FECH: variants seen among roughly 807,000 people sequenced by gnomAD.
FECH encodes the protein ferrochelatase, mitochondrial.
In FECH, 40 loss-of-function variants were observed where a neutral mutation model predicts 56.9. The observed-to-expected ratio is 0.70, with a 90% CI of 0.55 to 0.92. The LOEUF (loss-of-function observed/expected upper bound fraction) is 0.92, where lower values mean the gene tolerates loss of function less well. FECH is among the 40% of genes least tolerant of loss of function. The probability of loss-of-function intolerance (pLI) is 0.00; values close to 1 mark genes in which losing one functional copy is unlikely to be tolerated. For synonymous variants in FECH, 175 were observed against 198.6 expected, an observed-to-expected ratio of 0.88 and a Z score of 1.00; for missense variants, 431 against 529.1, an observed-to-expected ratio of 0.81 and a Z score of 1.82.
intron 1 of FECH, among the ~76,000 whole-genome samples, chr18:57,581,359 G>A (rs779458777): frequency 8.5e-5 from 13 of 152,210 alleles, no homozygotes; most frequent in Admixed American, 1.3e-4. Flanking sequence ...GTCATATGAA[G>A]AGTACTGGTC....
intron 5 of FECH, among the ~76,000 whole-genome samples, chr18:57,565,537 T>G (rs117936809): frequency 3.4e-5 from 5 of 147,050 alleles, no homozygotes; most frequent in African/African-American, 1.0e-4. Context: ...ACCCGGGAGA[T>G]GGAGGTTGCA....
Position 57,573,248 on chromosome 18 carries a change from C to T in FECH, c.312G>A (p.Gln104=), listed in dbSNP as rs1351124222. 2 of 1,613,216 alleles carry T rather than the reference C, an allele frequency of 1.2e-6. No homozygotes were observed. The highest frequency in any genetic ancestry group is 3.3e-5 in the Admixed American group (2 of 60,022). The change falls in exon 3 of 11, where the codon CAG becomes CAA. Residue 104 remains glutamine (Q), a splice_region_variant and synonymous_variant. Coordinates refer to ENST00000262093, the MANE Select transcript of FECH (RefSeq NM_000140.5). ...LDRDLMTLPI[Q]NKLAPFIAKR... ...TGAGGTGTTTATATATATCTCACTT[C>T]TGAATAGGAAGTGTCATGAGGTCTC... is the stretch of plus-strand genomic sequence containing the variant.
At position 57,550,583 on chromosome 18, in the gene FECH, T is replaced by C. The variant is rs558527328; in HGVS notation, c.*129A>G. 117 of 1,155,598 alleles carry C rather than the reference T, an allele frequency of 1.0e-4. 1 individual carries two copies. In the South Asian group the frequency reaches 1.6e-3, roughly 16 times the overall value. The allele number at this position is 1,155,598 out of a possible 1,614,324, so 71.6% of individuals were successfully genotyped here. On this transcript the variant is annotated 3_prime_UTR_variant, in exon 11 of 11. Coordinates refer to ENST00000262093, the MANE Select transcript of FECH (RefSeq NM_000140.5). ...AATCCTCAAGAAACCACACAATTTG[T>C]ACCCAAAGGCTGTATATATATCAAG...
chr18:57,559,059 G>T, intron 7 of FECH, 86 bp downstream of exon 7: 1 of 913,696 alleles, frequency 1.1e-6, no homozygotes, highest in Non-Finnish European at 1.8e-6. Context: ...AGGACATAAT[G>T]GAAGCTGGAC....
chr18:57,561,013 G>T (rs1598989523), intron 6 of FECH, among the ~76,000 whole-genome samples: 1 of 152,202 alleles, frequency 6.6e-6, no homozygotes, highest in East Asian at 1.9e-4. Flanking sequence ...AATGTGACAG[G>T]ATTAGATACA....
chr18:57,550,833 A>C lies in FECH; in HGVS notation c.1151T>G (p.Leu384Trp). 1 of 1,613,938 alleles carries C rather than the reference A, an allele frequency of 6.2e-7. No homozygotes were observed. Among genetic ancestry groups the C allele is most frequent in the Non-Finnish European group, 8.5e-7 (1 of 1,180,022 alleles). Residue 384 changes from leucine (L) to tryptophan (W), a missense_variant, in exon 11 of 11, where the codon TTG (leucine) becomes TGG (tryptophan). By Grantham distance (61) the Leu-to-Trp change is moderately conservative (BLOSUM62 -2). Coordinates refer to ENST00000262093, the MANE Select transcript of FECH (RefSeq NM_000140.5). ...NPLFSKALADLVHSHIQSNEL... is the reference protein window; with the variant it reads ...NPLFSKALADWVHSHIQSNEL... The stretch of plus-strand genomic sequence containing the variant: ...GTTTGACTGGATGTGTGAATGCACC[A>C]AGTCGGCCAGGGCCTGGAAGATAGA...
chr18:57,586,640 C>G lies in FECH; in HGVS notation c.-20G>C, dbSNP rs1599022684. 4.7e-6 allele frequency: 7 copies of G among 1,499,172 alleles called. No homozygotes were observed. In the East Asian group the frequency reaches 8.3e-5, roughly 18 times the overall value. 92.9% of individuals were successfully genotyped at this position (1,499,172 alleles called of 1,614,324 possible). On this transcript the variant is annotated 5_prime_UTR_variant, in exon 1 of 11. Coordinates refer to ENST00000262093, the MANE Select transcript of FECH (RefSeq NM_000140.5). ...ACGCATTGCCTGGGCAGCCTCGGCC[C>G]GAGTCCGGGCTCCTCCCGCGGCGGC...
chr18:57,560,210 T>C (rs2050924902), intron 6 of FECH, among the ~76,000 whole-genome samples: 1 of 152,264 alleles, frequency 6.6e-6, no homozygotes, highest in Non-Finnish European at 1.5e-5. Flanking sequence ...CTTAAGTGTT[T>C]AGGTGTAGAG....
chr18:57,569,912 C>A (rs543228125), intron 4 of FECH, among the ~76,000 whole-genome samples: 1 of 151,852 alleles, frequency 6.6e-6, no homozygotes, highest in East Asian at 1.9e-4. Context: ...TGGCTCACTG[C>A]AGCTTCAACC....
rs1196558907 is a variant in FECH at position 57,570,026 on chromosome 18, TGTTGTC to T, written c.463+1360_463+1365del. Among the ~76,000 whole-genome samples the T allele has an allele frequency of 8.0e-3, 818 of 101,982 alleles. 4 individuals carry two copies. Among genetic ancestry groups the T allele is most frequent in the Non-Finnish European group, 0.013 (602 of 45,980 alleles). 66.9% of individuals were successfully genotyped at this position (101,982 alleles called of 152,430 possible). A position where few individuals can be genotyped will look rare whatever the true frequency, so the allele number is the denominator to read the frequency against. ...TTGTTGTTGCTGTTGTTGTTGTTGTTGTTGTCGTGTGTGTGTGTGTGTGTGTGTGTG... is the reference window on the plus strand; with the variant it reads ...TTGTTGTTGCTGTTGTTGTTGTTGTTGTGTGTGTGTGTGTGTGTGTGTGTG... On this transcript the variant is annotated intron_variant, in intron 4 of 10. Coordinates refer to ENST00000262093, the MANE Select transcript of FECH (RefSeq NM_000140.5).
chr18:57,579,184 G>C (rs555766242), intron 2 of FECH, among the ~76,000 whole-genome samples: 2 of 151,020 alleles, frequency 1.3e-5, no homozygotes, highest in Non-Finnish European at 2.9e-5. Context: ...GGAGGTGGAG[G>C]CTGCAGTGAG....
rs2050764855 is a variant in FECH at position 57,549,367 on chromosome 18, C to T, written c.*1345G>A. The stretch of plus-strand genomic sequence containing the variant: ...ATGTTGTAATATTTATTAACATAGC[C>T]AATTCTCAATATAGAAGATTTATGA... On this transcript the variant is annotated 3_prime_UTR_variant, in exon 11 of 11. Transcript: ENST00000262093. 6.8e-6 allele frequency: 1 copy of T among 147,232 alleles called. No homozygotes were observed. The highest frequency in any genetic ancestry group is 6.8e-5 in the Admixed American group (1 of 14,646). 9.1% of individuals were successfully genotyped at this position (147,232 alleles called of 1,614,324 possible).
intron 1 of FECH, chr18:57,585,739 G>C (rs1406024631): frequency 1.3e-5 from 2 of 152,162 alleles, no homozygotes; most frequent in African/African-American, 2.4e-5. Context: ...CATCTTATTC[G>C]TGGCAGCCTT....
At chr18:57,586,524 C>T (rs1426176045) in intron 1 of FECH, 30 bp downstream of exon 1, 9 of 1,519,148 alleles carry the variant, frequency 5.9e-6, no homozygotes, top group Non-Finnish European at 7.0e-6. Context: ...GGATCCTGGC[C>T]CTGGCGGCCG....
chr18:57,570,032 C>CGTGTGTGTGTGT (rs10608112), intron 4 of FECH, among the ~76,000 whole-genome samples: 23 of 122,764 alleles, frequency 1.9e-4, no homozygotes, highest in African/African-American at 5.8e-4. Context: ...TTGTTGTTGT[C>CGTGTGTGTGTGT]GTGTGTGTGT....
chr18:57,563,031 T>C (rs1555680152), intron 5 of FECH, 51 bp from the exon 6 acceptor site: 1 of 1,454,652 alleles, frequency 6.9e-7, no homozygotes, highest in African/African-American at 1.4e-5. Flanking sequence ...ATGGTGAAAA[T>C]AAAAAACAGA....
intron 7 of FECH, among the ~76,000 whole-genome samples, chr18:57,555,199 G>A (rs532058794): frequency 3.1e-4 from 47 of 152,284 alleles, no homozygotes; most frequent in Non-Finnish European, 5.0e-4. Context: ...CATGTTCCAC[G>A]TTATTCATGG....
chr18:57,566,659 T>A (rs898613139), intron 4 of FECH, 78 bp from the exon 5 acceptor site: 5 of 1,542,900 alleles, frequency 3.2e-6, no homozygotes, highest in Admixed American at 3.4e-5. Context: ...CATAATGCAA[T>A]GCCCAGAACA....
rs539066881 is a variant in FECH at position 57,577,295 on chromosome 18, C to T, written c.194+2778G>A. Among the ~76,000 whole-genome samples the T allele has an allele frequency of 3.3e-5, 5 of 151,384 alleles. No homozygotes were observed. In the East Asian group the frequency reaches 9.6e-4, roughly 29 times the overall value. On this transcript the variant is annotated intron_variant, in intron 2 of 10. Transcript: ENST00000262093. ...ATAAAGTTTTACTGGAACACAGCTC[C>T]CCTCATTGTTTATGTAATATCTATG...
Sources: gnomAD v4.1 joint callset for allele counts (sites outside exome capture counted in the v4.1 genomes callset) on GRCh38, gnomAD v4.1.1 for gene constraint, MANE v1.5 for transcripts, NCBI Gene and HGNC (gene_info 2026-07-23, HGNC 2026-07-21) for gene names.